The following CACNA1C variants were observed in gnomAD, a reference collection of about 807,000 sequenced individuals.
CACNA1C encodes voltage-dependent L-type calcium channel subunit alpha-1C.
Under a neutral mutation model 229.0 loss-of-function variants are expected in CACNA1C, and 30 were observed. The ratio of observed to expected loss-of-function variants is 0.13; its 90% CI spans 0.10 to 0.18. CACNA1C has a LOEUF of 0.18. Ranked by LOEUF, CACNA1C falls within the 10% of genes least tolerant of loss-of-function variation. The pLI, the probability that CACNA1C is intolerant of heterozygous loss-of-function variation, is 1.00. For missense variants in CACNA1C, 1,658 were observed against 2,845.0 expected, an observed-to-expected ratio of 0.58 and a Z score of 9.49; for synonymous variants, 1,114 against 1,132.5, an observed-to-expected ratio of 0.98 and a Z score of 0.33.
intron 3 of CACNA1C, among the ~76,000 whole-genome samples, chr12:2,408,090 C>T (rs542798545): frequency 1.2e-4 from 19 of 152,330 alleles, no homozygotes; most frequent in African/African-American, 4.3e-4. Flanking sequence ...ACACACGCTA[C>T]AACATGGGTG....
intron 3 of CACNA1C, among the ~76,000 whole-genome samples, chr12:2,163,659 G>C (rs1566075626): frequency 6.6e-6 from 1 of 152,204 alleles, no homozygotes; most frequent in Non-Finnish European, 1.5e-5. Flanking sequence ...AGAAGACTTT[G>C]GCAGGCGAGT....
chr12:2,076,880 C>T lies in CACNA1C; in HGVS notation c.49+23269C>T, dbSNP rs112621637. Among the ~76,000 whole-genome samples the T allele has an allele frequency of 5.9e-5, 9 of 152,162 alleles. No homozygotes were observed. In the South Asian group the frequency reaches 8.3e-4, roughly 14 times the overall value. On this transcript the variant is annotated intron_variant, in intron 1 of 46. Coordinates refer to ENST00000399655, the MANE Select transcript of CACNA1C (RefSeq NM_000719.7). ...GTGAAGGACACTGGGTTCTGCTATA[C>T]GGCACTTTCTACTGAGTGGGAAATT...
At chr12:2,592,703 A>ATTTTTTTT (rs55789235) in intron 18 of CACNA1C, among the ~76,000 whole-genome samples, 4 of 131,604 alleles carry the variant, frequency 3.0e-5, no homozygotes, top group African/African-American at 2.8e-5. Context: ...CAGCACATGA[A>ATTTTTTTT]TTTTTTTTTT....
intron 3 of CACNA1C, among the ~76,000 whole-genome samples, chr12:2,339,433 A>T (rs190804597): frequency 6.6e-6 from 1 of 152,340 alleles, no homozygotes; most frequent in African/African-American, 2.4e-5. Flanking sequence ...CACTAAATTT[A>T]TAAAAAATAT....
At chr12:2,530,181 T>G (rs2099837532) in intron 9 of CACNA1C, among the ~76,000 whole-genome samples, 2 of 151,878 alleles carry the variant, frequency 1.3e-5, no homozygotes, top group South Asian at 4.2e-4. Context: ...CGTTGCTAAG[T>G]TTAATCAGAT....
chr12:2,355,495 T>C (rs566445798), intron 3 of CACNA1C, among the ~76,000 whole-genome samples: 7 of 152,304 alleles, frequency 4.6e-5, no homozygotes, highest in Non-Finnish European at 8.8e-5. Flanking sequence ...TGGGTCCTCA[T>C]ATTTCCTGCT....
Position 2,589,703 on chromosome 12 carries a change from G to A in CACNA1C, c.2531-3510G>A, listed in dbSNP as rs1013187059. Among the ~76,000 whole-genome samples, 4 of 145,366 alleles carry A rather than the reference G, an allele frequency of 2.8e-5. No homozygotes were observed. In the East Asian group the frequency reaches 7.7e-4, roughly 28 times the overall value. Reference sequence around the variant, plus strand: ...TCACCCTTTCAGAGATTCCCTCTGAGCGGTGTGAATAAAGAGCAGTGGTGT... The same window carrying A: ...TCACCCTTTCAGAGATTCCCTCTGAACGGTGTGAATAAAGAGCAGTGGTGT... On this transcript the variant is annotated intron_variant, in intron 18 of 46. Transcript: ENST00000399655.
chr12:2,222,526 G>A (rs1383671499), intron 3 of CACNA1C: 2 of 152,330 alleles, frequency 1.3e-5, no homozygotes, highest in East Asian at 3.9e-4. Context: ...TTTGTAAGAG[G>A]AAAACCACAA....
intron 1 of CACNA1C, among the ~76,000 whole-genome samples, chr12:2,097,389 G>A (rs562946670): frequency 5.8e-4 from 88 of 151,954 alleles, no homozygotes; most frequent in South Asian, 1.0e-3. Context: ...CTTGTGATCC[G>A]CCCGCCTCGA....
At position 2,602,034 on chromosome 12, in the gene CACNA1C, G is replaced by A; in HGVS notation, c.2960+74G>A. 1 of 989,734 alleles carries A rather than the reference G, an allele frequency of 1.0e-6. No individual in the cohort carries two copies. The highest frequency in any genetic ancestry group is 1.6e-6 in the Non-Finnish European group (1 of 617,466). The allele number at this position is 989,734 out of a possible 1,614,324, so 61.3% of individuals were successfully genotyped here. A position where few individuals can be genotyped will look rare whatever the true frequency, so the allele number is the denominator to read the frequency against. On this transcript the variant is annotated intron_variant, in intron 22 of 46. Coordinates refer to ENST00000399655, the MANE Select transcript of CACNA1C (RefSeq NM_000719.7). This position sits in a 1 kb window ranked among gnomAD's most constrained non-coding sequence, Gnocchi z 4.4. ...GTGCCAGAGAGGACAACCAGACCCT[G>A]GAGGGCCTGCCTGCAGGGCCACCGC...
At chr12:2,314,219 T>C (rs973293153) in intron 3 of CACNA1C, among the ~76,000 whole-genome samples, 2 of 152,224 alleles carry the variant, frequency 1.3e-5, no homozygotes, top group Non-Finnish European at 2.9e-5. Flanking sequence ...GGGCCCCCTA[T>C]ACTGCTCATA....
intron 29 of CACNA1C, among the ~76,000 whole-genome samples, chr12:2,618,597 G>T (rs1204524968): frequency 6.6e-6 from 1 of 152,230 alleles, no homozygotes; most frequent in African/African-American, 2.4e-5. Flanking sequence ...ACACCAATGT[G>T]GCCACCTGAG....
rs1174982911 is a variant in CACNA1C at position 2,624,808 on chromosome 12, A to C, written c.3829-9489A>C. Among the ~76,000 whole-genome samples, 3 of 152,214 alleles carry C rather than the reference A, an allele frequency of 2.0e-5. No individual in the cohort carries two copies. The East Asian group carries it at 5.8e-4, about 29-fold the overall frequency. On this transcript the variant is annotated intron_variant, in intron 29 of 46. Coordinates refer to ENST00000399655, the MANE Select transcript of CACNA1C (RefSeq NM_000719.7). ...AAACCTGTTTATCCAATCTATTGAG[A>C]AACTGCAGTGTCTGCCACCGTCCAC... is the stretch of plus-strand genomic sequence containing the variant.
chr12:2,668,905 C>T (rs540253339), intron 37 of CACNA1C, 28 bp from the exon 38 acceptor site: 2 of 1,529,972 alleles, frequency 1.3e-6, no homozygotes, highest in Admixed American at 1.7e-5. Context: ...CTGCCATCAT[C>T]ACCAGCTTTG....
intron 1 of CACNA1C, among the ~76,000 whole-genome samples, chr12:1,982,234 A>C (rs2036363765): frequency 6.6e-6 from 1 of 152,198 alleles, no homozygotes. Flanking sequence ...AATATTAAAA[A>C]CATTAAATTT....
chr12:2,214,962 G>C (rs561660304), intron 3 of CACNA1C, among the ~76,000 whole-genome samples: 5 of 152,098 alleles, frequency 3.3e-5, no homozygotes, highest in Middle Eastern at 3.4e-3. Context: ...TTCTCCCCAC[G>C]TCCCCTTTCC....
intron 3 of CACNA1C, among the ~76,000 whole-genome samples, chr12:2,137,599 C>T (rs1011614720): frequency 4.6e-5 from 7 of 150,914 alleles, no homozygotes; most frequent in African/African-American, 1.7e-4. Flanking sequence ...TGGAAAAATG[C>T]AAAGTGCCAT....
chr12:2,223,860 G>A (rs966903148), intron 3 of CACNA1C, among the ~76,000 whole-genome samples: 16 of 152,070 alleles, frequency 1.1e-4, no homozygotes, highest in African/African-American at 3.6e-4. Context: ...CATAGCAAGA[G>A]CTCAATAAAT....
At position 2,610,529 on chromosome 12, in the gene CACNA1C, C is replaced by T. The variant is rs2153449709; in HGVS notation, c.3559-12C>T. Reference sequence around the variant, plus strand: ...CTAACCCCACTCTCCCCATCCTCCACCACCCTCCCAGCGACAGTGCGTGGA... The same window carrying T: ...CTAACCCCACTCTCCCCATCCTCCATCACCCTCCCAGCGACAGTGCGTGGA... On this transcript the variant is annotated splice_polypyrimidine_tract_variant and intron_variant, in intron 27 of 46. Transcript: ENST00000399655. 6.2e-7 allele frequency: 1 copy of T among 1,608,592 alleles called. No individual in the cohort carries two copies.
Sources: gnomAD v4.1 joint callset for allele counts (sites outside exome capture counted in the v4.1 genomes callset) on GRCh38, gnomAD v4.1.1 for gene constraint, Gnocchi (gnomAD v3.1) non-coding constraint, MANE v1.5 for transcripts, NCBI Gene and HGNC (gene_info 2026-07-23, HGNC 2026-07-21) for gene names.